Variants in SEC14L5 observed in about 807,000 individuals in gnomAD.
SEC14L5 encodes SEC14 like lipid binding 5.
Under a neutral mutation model 84.6 loss-of-function variants are expected in SEC14L5, and 96 were observed. That is an observed-to-expected ratio of 1.13 (90% CI 0.96 to 1.34). SEC14L5 has a LOEUF of 1.34. Ranked by LOEUF, SEC14L5 falls within the 40% of genes most tolerant of loss-of-function variation. SEC14L5 has a pLI of 0.00. For synonymous variants in SEC14L5, 546 were observed against 383.4 expected (o/e 1.42, Z -4.95); for missense variants, 1,224 against 942.5 (o/e 1.30, Z -3.91).
chr16:4,972,550 C>T (rs1396052394), intron 2 of SEC14L5, among the ~76,000 whole-genome samples: 1 of 152,172 alleles, frequency 6.6e-6, no homozygotes, highest in Non-Finnish European at 1.5e-5. Flanking sequence ...CAAATTTGAC[C>T]ATTCTAGGTA....
chr16:4,991,890 C>G lies in SEC14L5; in HGVS notation c.527C>G (p.Ser176Trp). 6.2e-7 allele frequency: 1 copy of G among 1,609,728 alleles called. No homozygotes were observed. The highest frequency in any genetic ancestry group is 8.5e-7 in the Non-Finnish European group (1 of 1,178,878). ...YLNELISQGTSHIPRWTPAPV... is the reference protein window; with the variant it reads ...YLNELISQGTWHIPRWTPAPV... ...AATGAGCTCATCTCCCAGGGTACCTCGCACATTCCGCGCTGGACGCCTGCC... is the reference window on the plus strand; with the variant it reads ...AATGAGCTCATCTCCCAGGGTACCTGGCACATTCCGCGCTGGACGCCTGCC... The change falls in exon 6 of 16, where the codon TCG (serine) becomes TGG (tryptophan). Residue 176 changes from serine to tryptophan, a missense_variant. Physicochemically the swap from Ser to Trp is radical, Grantham distance 177. Coordinates refer to ENST00000251170, the MANE Select transcript of SEC14L5 (RefSeq NM_014692.2).
chr16:5,008,063 A>T (rs1177458935), intron 13 of SEC14L5, among the ~76,000 whole-genome samples: 1 of 151,770 alleles, frequency 6.6e-6, no homozygotes, highest in Non-Finnish European at 1.5e-5. Context: ...GCCAGCCAGC[A>T]TGCCTGGCTA....
intron 2 of SEC14L5, among the ~76,000 whole-genome samples, chr16:4,982,854 G>A (rs1310755229): frequency 6.6e-6 from 1 of 152,264 alleles, no homozygotes; most frequent in Non-Finnish European, 1.5e-5. Context: ...GGCAGGGCTC[G>A]AGTCTGTGCT....
chr16:5,003,411 C>A lies in SEC14L5; in HGVS notation c.1140C>A (p.Thr380=), dbSNP rs1474223809. 6.2e-7 allele frequency: 1 copy of A among 1,612,864 alleles called. No homozygotes were observed. The highest frequency in any genetic ancestry group is 8.5e-7 in the Non-Finnish European group (1 of 1,179,656). ...RQLGRPISSW[T]CLLDLEGLNM... is the part of the protein sequence containing the mutation. The stretch of plus-strand genomic sequence containing the variant: ...GCTATTTCTGCCACAGCTCCTGGAC[C>A]TGCCTGCTAGACCTGGAGGGACTCA... Residue 380 remains threonine, a synonymous_variant, in exon 11 of 16, where the codon ACC becomes ACA. Coordinates refer to ENST00000251170, the MANE Select transcript of SEC14L5 (RefSeq NM_014692.2).
At chr16:4,978,868 T>C (rs1460536072) in intron 2 of SEC14L5, among the ~76,000 whole-genome samples, 1 of 152,208 alleles carries the variant, frequency 6.6e-6, no homozygotes, top group East Asian at 1.9e-4. Flanking sequence ...CCCAAAGTGC[T>C]GGGATTACAG....
intron 2 of SEC14L5, among the ~76,000 whole-genome samples, chr16:4,985,815 A>C (rs1357562466): frequency 6.6e-6 from 1 of 150,844 alleles, no homozygotes; most frequent in Non-Finnish European, 1.5e-5. Flanking sequence ...ATTATATAGA[A>C]ACACCCTATA....
At chr16:4,979,213 G>A (rs547676838) in intron 2 of SEC14L5, among the ~76,000 whole-genome samples, 1 of 152,294 alleles carries the variant, frequency 6.6e-6, no homozygotes, top group South Asian at 2.1e-4. Flanking sequence ...GTATGAACCA[G>A]GCTTCCGTCC....
chr16:5,014,799 G>A, intron 15 of SEC14L5, 60 bp from the exon 16 acceptor site: 3 of 1,339,304 alleles, frequency 2.2e-6, no homozygotes, highest in Non-Finnish European at 3.2e-6. Context: ...ACTGCTGTGT[G>A]TCAGCCCAAG....
chr16:4,993,946 C>T (rs1035406077), intron 6 of SEC14L5, among the ~76,000 whole-genome samples: 1 of 141,886 alleles, frequency 7.0e-6, no homozygotes, highest in African/African-American at 2.6e-5. Context: ...CATGATTTTT[C>T]ATGTTTAGTG....
At chr16:4,962,126 C>A (rs1454964376) in intron 2 of SEC14L5, among the ~76,000 whole-genome samples, 2 of 146,940 alleles carry the variant, frequency 1.4e-5, no homozygotes, top group Non-Finnish European at 3.0e-5. Context: ...GACACACAGT[C>A]CTGCACTCGA....
intron 15 of SEC14L5, among the ~76,000 whole-genome samples, chr16:5,013,479 C>T (rs1186371687): frequency 2.7e-5 from 4 of 150,238 alleles, no homozygotes; most frequent in Admixed American, 6.6e-5. Flanking sequence ...CTTGAACTCC[C>T]GGGCTCAAGC....
At chr16:5,005,395 G>C (rs1297573270) in intron 11 of SEC14L5, among the ~76,000 whole-genome samples, 2 of 125,592 alleles carry the variant, frequency 1.6e-5, no homozygotes, top group Non-Finnish European at 3.5e-5. Context: ...CCCTGGGTTG[G>C]GGGAGGGGAG....
chr16:4,981,577 C>T (rs908623972), intron 2 of SEC14L5, among the ~76,000 whole-genome samples: 7 of 151,982 alleles, frequency 4.6e-5, no homozygotes, highest in African/African-American at 9.7e-5. Context: ...AAGATGTGAC[C>T]GCTTGGCCCG....
At chr16:5,013,550 CTTTTT>C (rs869041446) in intron 15 of SEC14L5, among the ~76,000 whole-genome samples, 3 of 44,934 alleles carry the variant, frequency 6.7e-5, no homozygotes, top group South Asian at 1.2e-3. Context: ...GCTTGCCTGG[CTTTTT>C]TTTTTTTTTT....
chr16:5,000,118 C>G (rs1955658596), intron 8 of SEC14L5, among the ~76,000 whole-genome samples: 1 of 151,940 alleles, frequency 6.6e-6, no homozygotes, highest in African/African-American at 2.4e-5. Flanking sequence ...TGGTGAAACC[C>G]CATTTCTACT....
intron 4 of SEC14L5, 114 bp downstream of exon 4, chr16:4,988,394 T>A: frequency 6.8e-6 from 9 of 1,323,132 alleles, no homozygotes; most frequent in Non-Finnish European, 9.2e-6. Context: ...CCCTCCCTCC[T>A]GGGGCATTGT....
chr16:4,990,232 G>A (rs1277918996), intron 4 of SEC14L5, among the ~76,000 whole-genome samples: 1 of 151,622 alleles, frequency 6.6e-6, no homozygotes, highest in Non-Finnish European at 1.5e-5. Context: ...GCATGATCTT[G>A]GCTCACTGCA....
At chr16:5,008,315 G>A in intron 13 of SEC14L5, 106 bp from the exon 14 acceptor site, 1 of 769,622 alleles carries the variant, frequency 1.3e-6, no homozygotes, top group East Asian at 2.7e-5. Flanking sequence ...GTGTGCCTGG[G>A]AAAGGAGACC....
intron 4 of SEC14L5, among the ~76,000 whole-genome samples, chr16:4,989,482 G>C (rs757239388): frequency 1.3e-5 from 2 of 152,096 alleles, no homozygotes; most frequent in Non-Finnish European, 2.9e-5. Context: ...GTGTAGGTGG[G>C]ATTACAGGCA....
Sources: gnomAD v4.1 joint callset for allele counts (sites outside exome capture counted in the v4.1 genomes callset) on GRCh38, gnomAD v4.1.1 for gene constraint, MANE v1.5 for transcripts, NCBI Gene and HGNC (gene_info 2026-07-23, HGNC 2026-07-21) for gene names.